The following HEPH variants were observed in gnomAD, a reference collection of about 807,000 sequenced individuals.
The protein encoded by HEPH is hephaestin.
In HEPH, 69 loss-of-function variants were observed where a neutral mutation model predicts 80.8. The ratio of observed to expected loss-of-function variants is 0.85; its 90% CI spans 0.70 to 1.04. HEPH has a LOEUF of 1.04. HEPH is among the 50% of genes least tolerant of loss of function. The pLI is 0.00. For missense variants in HEPH, 1,115 were observed against 891.3 expected (o/e 1.25, Z -3.20); for synonymous variants, 431 against 322.8 (o/e 1.34, Z -3.60).
At chrX:66,225,514 G>A (rs759905536) in intron 15 of HEPH, among the ~76,000 whole-genome samples, 6 of 112,612 alleles carry the variant, frequency 5.3e-5, no homozygotes, top group Non-Finnish European at 1.1e-4. Context: ...GGCACACCAT[G>A]GGTGATCAGG....
chrX:66,186,409 G>A (rs1260909273), intron 4 of HEPH, among the ~76,000 whole-genome samples: 3 of 111,951 alleles, frequency 2.7e-5, no homozygotes, highest in Admixed American at 9.3e-5. Context: ...CTCGTGGTGC[G>A]CGGTTTCTTA....
At chrX:66,243,648 G>A (rs934798498) in intron 15 of HEPH, among the ~76,000 whole-genome samples, 1 of 113,037 alleles carries the variant, frequency 8.8e-6, no homozygotes, top group Non-Finnish European at 1.9e-5. Context: ...TTGAATTGGG[G>A]CATTTAACCA....
At chrX:66,209,555 A>C (rs2088999622) in intron 15 of HEPH, among the ~76,000 whole-genome samples, 1 of 112,645 alleles carries the variant, frequency 8.9e-6, no homozygotes, top group Non-Finnish European at 1.9e-5. Flanking sequence ...TCCAGATTTA[A>C]AGAATGCAGT....
chrX:66,246,122 G>A (rs182299807), intron 15 of HEPH, among the ~76,000 whole-genome samples: 12 of 112,146 alleles, frequency 1.1e-4, no homozygotes, highest in African/African-American at 3.9e-4. Context: ...AGCAGGTGTA[G>A]CCTGTCTGTC....
intron 15 of HEPH, among the ~76,000 whole-genome samples, chrX:66,219,621 A>G (rs1022350886): frequency 9.0e-5 from 10 of 111,480 alleles, no homozygotes; most frequent in Non-Finnish European, 1.9e-4. Context: ...GTGCCAAAGT[A>G]CCAGGACCAT....
intron 2 of HEPH, 53 bp downstream of exon 2, chrX:66,170,790 G>A: frequency 9.2e-7 from 1 of 1,082,750 alleles, no homozygotes; most frequent in Non-Finnish European, 1.3e-6. Flanking sequence ...GCACTCTTGA[G>A]GTCAGGAAGT....
intron 17 of HEPH, among the ~76,000 whole-genome samples, chrX:66,257,061 C>A (rs2091204495): frequency 8.9e-6 from 1 of 112,152 alleles, no homozygotes; most frequent in Admixed American, 9.4e-5. Flanking sequence ...TGAGGAGCAT[C>A]TTTGATAGTG....
Position 66,266,522 on chromosome X carries a change from C to T in HEPH, c.3327C>T (p.Ala1109=), listed in dbSNP as rs771611913. 12 of 1,207,023 alleles carry T rather than the reference C, an allele frequency of 9.9e-6. No homozygotes were observed. Among genetic ancestry groups the T allele is most frequent in the Non-Finnish European group, 6.7e-6 (6 of 893,909 alleles). ...QIPIKNVEML[A]SVLVAISVTL... ...CCATAAAGAATGTTGAGATGCTGGC[C>T]TCTGTTTTGGTTGCCATTAGTGTCA... is the stretch of plus-strand genomic sequence containing the variant. The change falls in exon 21 of 21, where the codon GCC becomes GCT. Residue 1109 remains alanine (A), a synonymous_variant. Coordinates refer to ENST00000343002, the MANE Select transcript of HEPH (RefSeq NM_001367233.3).
Position 66,197,830 on chromosome X carries a change from A to T in HEPH, c.1649A>T (p.Asn550Ile), listed in dbSNP as rs781072255. The T allele has an allele frequency of 8.3e-7, 1 of 1,210,260 alleles. No individual in the cohort carries two copies. Among genetic ancestry groups the T allele is most frequent in the Non-Finnish European group, 1.1e-6 (1 of 894,877 alleles). ...GCTGCAGATCCCATAAGAGACACAA[A>T]TTCTGGCCTGGTGGGCCCGCTGCTG... Reference protein sequence around the residue: ...FSAADPIRDTNSGLVGPLLVC... With the variant: ...FSAADPIRDTISGLVGPLLVC... The change falls in exon 10 of 21, where the codon AAT becomes ATT. Residue 550 changes from asparagine to isoleucine, a missense_variant. This residue lies in a region of HEPH where 716 missense variants were observed against 523.5 expected (regional missense o/e 1.37). Transcript: ENST00000343002.
chrX:66,202,884 T>C, intron 12 of HEPH, among the ~76,000 whole-genome samples: 1 of 103,728 alleles, frequency 9.6e-6, no homozygotes, highest in South Asian at 4.3e-4. Context: ...CACAGAGGTT[T>C]AGCAATTGCC....
At chrX:66,234,308 C>G (rs2090272531) in intron 15 of HEPH, among the ~76,000 whole-genome samples, 1 of 111,010 alleles carries the variant, frequency 9.0e-6, no homozygotes, top group Non-Finnish European at 1.9e-5. Context: ...AAAAAAAAAT[C>G]CAATCTACTA....
intron 6 of HEPH, among the ~76,000 whole-genome samples, chrX:66,191,087 G>T (rs1201070491): frequency 9.0e-6 from 1 of 111,507 alleles, no homozygotes. Context: ...AGAATAGGGG[G>T]ATGATATAAA....
intron 8 of HEPH, among the ~76,000 whole-genome samples, 167 bp from the exon 9 acceptor site, chrX:66,194,931 T>C (rs1236612055): frequency 8.9e-6 from 1 of 112,677 alleles, no homozygotes; most frequent in African/African-American, 3.2e-5. Flanking sequence ...TCTGTAATTG[T>C]AAATTGCAAT....
chrX:66,225,737 AGAGTC>A (rs1413712768), intron 15 of HEPH, among the ~76,000 whole-genome samples: 6 of 112,827 alleles, frequency 5.3e-5, no homozygotes, highest in African/African-American at 1.9e-4. Flanking sequence ...CAAGCTGGCC[AGAGTC>A]CCCCGCAGGG....
At position 66,234,147 on chromosome X, in the gene HEPH, T is replaced by C. The variant is rs1056340505; in HGVS notation, c.2564-20888T>C. Among the ~76,000 whole-genome samples, 10 of 111,350 alleles carry C rather than the reference T, an allele frequency of 9.0e-5. No homozygotes were observed. The Admixed American group carries it at 9.6e-4, about 11-fold the overall frequency. On this transcript the variant is annotated intron_variant, in intron 15 of 20. Coordinates refer to ENST00000343002, the MANE Select transcript of HEPH (RefSeq NM_001367233.3). ...TTATCATTTAGCTCCCACTTATAAGTGAGAACATGCAGTATTTGGTTTTCT... is the reference window on the plus strand; with the variant it reads ...TTATCATTTAGCTCCCACTTATAAGCGAGAACATGCAGTATTTGGTTTTCT...
chrX:66,236,531 G>T lies in HEPH; in HGVS notation c.2564-18504G>T, dbSNP rs746214051. ...TTCGGTTTGCCAGTATTTTGTTGAT[G>T]ATATTTTCATCAGTGTTCATCAAGG... On this transcript the variant is annotated intron_variant, in intron 15 of 20. Coordinates refer to ENST00000343002, the MANE Select transcript of HEPH (RefSeq NM_001367233.3). Among the ~76,000 whole-genome samples the T allele has an allele frequency of 1.1e-4, 12 of 111,876 alleles. No homozygotes were observed. In the South Asian group the frequency reaches 4.5e-3, roughly 42 times the overall value.
intron 9 of HEPH, 123 bp from the exon 10 acceptor site, chrX:66,197,560 T>C (rs1302945387): frequency 1.9e-6 from 1 of 522,207 alleles, no homozygotes; most frequent in East Asian, 3.6e-5. Context: ...TATTCAATAT[T>C]CCATGTTGCT....
At chrX:66,208,324 A>T in intron 15 of HEPH, 78 bp downstream of exon 15, 1 of 988,296 alleles carries the variant, frequency 1.0e-6, no homozygotes, top group East Asian at 3.1e-5. Context: ...TCCTTAAAAA[A>T]TTAATGTACT....
At chrX:66,232,271 A>G (rs2090180502) in intron 15 of HEPH, among the ~76,000 whole-genome samples, 2 of 111,072 alleles carry the variant, frequency 1.8e-5, no homozygotes, top group African/African-American at 6.6e-5. Context: ...CGGCTTTGGT[A>G]TCAGAATGAT....
Sources: allele counts gnomAD v4.1 joint callset (sites outside exome capture counted in the v4.1 genomes callset), GRCh38; gene constraint gnomAD v4.1.1; regional missense constraint gnomAD v4.1.1; transcripts MANE v1.5; gene names NCBI Gene and HGNC (gene_info 2026-07-23, HGNC 2026-07-21).